Variants in MAP3K20 observed in about 807,000 individuals in gnomAD.
The protein encoded by MAP3K20 is HCCS-4.
A neutral mutation model predicts 85.7 loss-of-function variants in MAP3K20; 40 were observed. The ratio of observed to expected loss-of-function variants is 0.47; its 90% confidence interval spans 0.36 to 0.61. MAP3K20 has a LOEUF of 0.61. Ranked by LOEUF, MAP3K20 falls within the 20% of genes least tolerant of loss-of-function variation. The pLI is 0.00. For missense variants in MAP3K20, 817 were observed against 961.7 expected (o/e 0.85, Z 1.99); for synonymous variants, 325 against 327.7 (o/e 0.99, Z 0.09).
chr2:173,216,897 T>C (rs1240538250), intron 10 of MAP3K20, among the ~76,000 whole-genome samples: 1 of 152,216 alleles, frequency 6.6e-6, no homozygotes, highest in African/African-American at 2.4e-5. Flanking sequence ...CCAGTGGCCC[T>C]TCAACACTTT....
chr2:173,116,278 TG>T (rs774736532), intron 2 of MAP3K20, among the ~76,000 whole-genome samples: 4 of 152,204 alleles, frequency 2.6e-5, no homozygotes, highest in Admixed American at 6.5e-5. Flanking sequence ...GATCTGTTGG[TG>T]AGAACACTTA....
chr2:173,076,694 G>T (rs1175683357), intron 1 of MAP3K20, among the ~76,000 whole-genome samples: 1 of 152,228 alleles, frequency 6.6e-6, no homozygotes, highest in Non-Finnish European at 1.5e-5. Flanking sequence ...TCCTGCCCCG[G>T]GCTTGGGCAG....
chr2:173,195,403 T>G lies in MAP3K20; in HGVS notation c.583-2623T>G, dbSNP rs922678934. Among the ~76,000 whole-genome samples the G allele has an allele frequency of 7.9e-5, 12 of 152,178 alleles. 1 individual carries two copies. The highest frequency in any genetic ancestry group is 7.9e-4 in the Admixed American group (12 of 15,278). ...AAAGGGCAGAAAAAGTACGTAGTCTTTTCCAAGTTTCTATTCTGTAAACTG... is the reference window on the plus strand; with the variant it reads ...AAAGGGCAGAAAAAGTACGTAGTCTGTTCCAAGTTTCTATTCTGTAAACTG... On this transcript the variant is annotated intron_variant, in intron 7 of 19. Coordinates refer to ENST00000375213, the MANE Select transcript of MAP3K20 (RefSeq NM_016653.3).
chr2:173,226,813 A>T (rs1202323152), intron 11 of MAP3K20: 1 of 983,364 alleles, frequency 1.0e-6, no homozygotes, highest in Non-Finnish European at 1.2e-6. Flanking sequence ...GAAAATATTT[A>T]TATTCTTTGA....
At chr2:173,120,169 AT>A (rs944358158) in intron 2 of MAP3K20, among the ~76,000 whole-genome samples, 1 of 152,110 alleles carries the variant, frequency 6.6e-6, no homozygotes, top group African/African-American at 2.4e-5. Flanking sequence ...ACTAGTCATG[AT>A]CTCTGACTTC....
intron 8 of MAP3K20, among the ~76,000 whole-genome samples, chr2:173,203,328 G>A (rs1481212877): frequency 6.6e-6 from 1 of 152,094 alleles, no homozygotes; most frequent in African/African-American, 2.4e-5. Flanking sequence ...TTACCACTGA[G>A]AAATGTAGAG....
chr2:173,239,450 T>C lies in MAP3K20; in HGVS notation c.1313T>C (p.Leu438Pro). The change falls in exon 16 of 20, where the codon CTG (leucine) becomes CCG (proline). Residue 438 changes from leucine to proline, a missense_variant. Around this residue, in one of 4 missense-constraint regions of MAP3K20, gnomAD observed 454 missense variants for 476.9 expected, o/e 0.95. Coordinates refer to ENST00000375213, the MANE Select transcript of MAP3K20 (RefSeq NM_016653.3). ...PEENEEKIVN[L>P]ELVFGFHLKP... ...GAAAATGAGGAAAAAATAGTGAACC[T>C]GGAACTGGTTTTTGGTTTTCACTTG... The C allele has an allele frequency of 6.2e-7, 1 of 1,613,678 alleles. No homozygotes were observed. Among genetic ancestry groups the C allele is most frequent in the Non-Finnish European group, 8.5e-7 (1 of 1,179,910 alleles).
rs1401769080 is a variant in MAP3K20 at position 173,261,157 on chromosome 2, G to A, written c.1551+20G>A. On this transcript the variant is annotated intron_variant, in intron 18 of 19. Transcript: ENST00000375213. ...TATGAGGTAAGCTCTGGGGGCAAGA[G>A]GCTGGTGGCCTCACCATCAGTTAAT... is the stretch of plus-strand genomic sequence containing the variant. 6 of 1,612,314 alleles carry A rather than the reference G, an allele frequency of 3.7e-6. No individual in the cohort carries two copies. The South Asian group carries it at 4.4e-5, about 12-fold the overall frequency.
rs1159091944 is a variant in MAP3K20 at position 173,187,595 on chromosome 2, G to T, written c.387G>T (p.Val129=). ...TACATATGGAGGCTCCTGTCAAGGT[G>T]ATTCACAGAGACCTCAAGTCAAGAA... The part of the protein sequence containing the change: ...HYLHMEAPVK[V]IHRDLKSRNV... The change falls in exon 5 of 20, where the codon GTG becomes GTT. Residue 129 remains valine (V), a synonymous_variant. Transcript: ENST00000375213. 2 of 1,609,312 alleles carry T rather than the reference G, an allele frequency of 1.2e-6. No individual in the cohort carries two copies. Among genetic ancestry groups the T allele is most frequent in the South Asian group, 1.1e-5 (1 of 89,830 alleles).
chr2:173,207,926 C>T (rs992103696), intron 9 of MAP3K20, among the ~76,000 whole-genome samples: 3 of 152,074 alleles, frequency 2.0e-5, no homozygotes, highest in African/African-American at 4.8e-5. Context: ...TAGGTTCTGA[C>T]TATAAAATTA....
intron 2 of MAP3K20, among the ~76,000 whole-genome samples, chr2:173,134,426 A>ATTTTTT (rs1457014949): frequency 8.6e-4 from 4 of 4,672 alleles, no homozygotes; most frequent in East Asian, 9.2e-3. Flanking sequence ...ATATATATAT[A>ATTTTTT]TATTTTTTTT....
At chr2:173,184,884 A>G (rs1690438440) in intron 4 of MAP3K20, among the ~76,000 whole-genome samples, 1 of 143,542 alleles carries the variant, frequency 7.0e-6, no homozygotes, top group Non-Finnish European at 1.5e-5. Context: ...CACTCCAGCC[A>G]GAGTGAGACT....
chr2:173,267,622 T>C lies in MAP3K20; in HGVS notation c.*872T>C, dbSNP rs1574174980. 6.6e-6 allele frequency: 1 copy of C among 152,358 alleles called. No homozygotes were observed. Among genetic ancestry groups the C allele is most frequent in the East Asian group, 1.9e-4 (1 of 5,194 alleles). The allele number at this position is 152,358 out of a possible 1,614,324, so 9.4% of individuals were successfully genotyped here. The stretch of plus-strand genomic sequence containing the variant: ...TTTCTCTTCCTAAGTTCCCAGCGAC[T>C]GCTTTCAAATACTATTTTCTAAATT... On this transcript the variant is annotated 3_prime_UTR_variant, in exon 20 of 20. Transcript: ENST00000375213.
chr2:173,205,136 TAAAAC>T (rs1683641288), intron 9 of MAP3K20, among the ~76,000 whole-genome samples: 1 of 144,362 alleles, frequency 6.9e-6, no homozygotes, highest in Non-Finnish European at 1.5e-5. Flanking sequence ...ATAAATAAAA[TAAAAC>T]ATATTCTCAC....
chr2:173,164,210 G>A (rs138407775), intron 2 of MAP3K20, among the ~76,000 whole-genome samples: 22 of 152,062 alleles, frequency 1.4e-4, no homozygotes, highest in South Asian at 2.1e-4. Context: ...TGCCCGCCTC[G>A]GCCTCCCAAA....
chr2:173,223,905 G>A, intron 11 of MAP3K20: 1 of 985,434 alleles, frequency 1.0e-6, no homozygotes, highest in Non-Finnish European at 1.2e-6. Flanking sequence ...GCATGCCCTG[G>A]GGTGCAGTGG....
At chr2:173,188,646 A>T (rs1263693135) in intron 5 of MAP3K20, among the ~76,000 whole-genome samples, 1 of 151,612 alleles carries the variant, frequency 6.6e-6, no homozygotes, top group African/African-American at 2.4e-5. Context: ...GGGGGCGGGG[A>T]GGGAAGTTAT....
At position 173,267,411 on chromosome 2, in the gene MAP3K20, G is replaced by C. The variant is rs1371716224; in HGVS notation, c.*661G>C. 6.6e-6 allele frequency: 1 copy of C among 151,886 alleles called. No individual in the cohort carries two copies. Among genetic ancestry groups the C allele is most frequent in the African/African-American group, 2.4e-5 (1 of 41,342 alleles). The allele number at this position is 151,886 out of a possible 1,614,324, so 9.4% of individuals were successfully genotyped here. A position where few individuals can be genotyped will look rare whatever the true frequency, so the allele number is the denominator to read the frequency against. On this transcript the variant is annotated 3_prime_UTR_variant, in exon 20 of 20. Transcript: ENST00000375213. Reference sequence around the variant, plus strand: ...ATCTCATCCTTGGCTCAGCCCTGCTGGTTAGTATTTAGTATTTATTTTAGT... The same window carrying C: ...ATCTCATCCTTGGCTCAGCCCTGCTCGTTAGTATTTAGTATTTATTTTAGT...
chr2:173,170,627 A>G (rs1689972461), intron 3 of MAP3K20, among the ~76,000 whole-genome samples: 1 of 152,172 alleles, frequency 6.6e-6, no homozygotes, highest in Non-Finnish European at 1.5e-5. Flanking sequence ...TATTAGCCAC[A>G]TGTTCTCGGT....
Sources: gnomAD v4.1 joint callset for allele counts (sites outside exome capture counted in the v4.1 genomes callset) on GRCh38, gnomAD v4.1.1 for gene constraint, gnomAD v4.1.1 regional missense constraint, MANE v1.5 for transcripts, NCBI Gene and HGNC (gene_info 2026-07-23, HGNC 2026-07-21) for gene names.